RALGPS1: variants seen among roughly 807,000 people sequenced by gnomAD.
The protein encoded by RALGPS1 is Ral GEF with PH domain and SH3 binding motif 1.
A neutral mutation model predicts 78.8 loss-of-function variants in RALGPS1; 19 were observed. The ratio of observed to expected loss-of-function variants is 0.24; its 90% CI spans 0.17 to 0.35. The LOEUF (loss-of-function observed/expected upper bound fraction) is 0.35, where lower values mean the gene tolerates loss of function less well. Among genes scored for constraint, RALGPS1 ranks in the 10% least tolerant of loss-of-function variants. RALGPS1 has a pLI of 1.00. For missense variants in RALGPS1, 454 were observed against 688.3 expected (o/e 0.66, Z 3.81); for synonymous variants, 228 against 256.3 (o/e 0.89, Z 1.06).
chr9:127,016,524 A>G (rs1026188648), intron 4 of RALGPS1: 5 of 152,156 alleles, frequency 3.3e-5, no homozygotes, highest in African/African-American at 1.2e-4. Context: ...AAAATATAAA[A>G]TTGCCAATGT....
chr9:127,068,580 G>A (rs1329264956), intron 7 of RALGPS1, among the ~76,000 whole-genome samples: 3 of 152,204 alleles, frequency 2.0e-5, no homozygotes, highest in Admixed American at 1.3e-4. Flanking sequence ...CAAGATTGAA[G>A]CTTTCCATCT....
chr9:127,126,872 G>T (rs528974149), intron 8 of RALGPS1, among the ~76,000 whole-genome samples: 21 of 152,144 alleles, frequency 1.4e-4, no homozygotes, highest in Non-Finnish European at 1.6e-4. Context: ...TCTTGATTAT[G>T]GGTCATATTG....
At chr9:127,045,728 A>AGT (rs2047689132) in intron 5 of RALGPS1, among the ~76,000 whole-genome samples, 1 of 138,180 alleles carries the variant, frequency 7.2e-6, no homozygotes, top group African/African-American at 2.7e-5. Flanking sequence ...GGCATGGGTT[A>AGT]GTACACACAC....
chr9:127,065,699 G>T (rs1305201955), intron 7 of RALGPS1, among the ~76,000 whole-genome samples: 1 of 151,946 alleles, frequency 6.6e-6, no homozygotes, highest in Admixed American at 6.6e-5. Flanking sequence ...TTTCTCTGGG[G>T]ACATCTCTTC....
intron 7 of RALGPS1, among the ~76,000 whole-genome samples, chr9:127,054,821 T>C (rs1223664689): frequency 6.6e-6 from 1 of 152,086 alleles, no homozygotes; most frequent in Non-Finnish European, 1.5e-5. Flanking sequence ...TCTGCAAATA[T>C]TCACAAAATT....
intron 17 of RALGPS1, chr9:127,214,001 C>T (rs963850873): frequency 2.0e-5 from 3 of 152,220 alleles, no homozygotes; most frequent in African/African-American, 7.2e-5. Flanking sequence ...AAGTTCTCTG[C>T]TCCGTGTCTG....
Position 127,031,946 on chromosome 9 carries a change from A to C in RALGPS1, c.217-2485A>C, listed in dbSNP as rs2046464328. The stretch of plus-strand genomic sequence containing the variant: ...TTGCCTGCATGATATCAGCAAAATG[A>C]AAGAGAAATAATAATAGATTTTGTT... On this transcript the variant is annotated intron_variant, in intron 4 of 18. Coordinates refer to ENST00000259351, the MANE Select transcript of RALGPS1 (RefSeq NM_014636.3). 4.6e-5 allele frequency among the ~76,000 whole-genome samples: 7 copies of C among 152,356 alleles called. No homozygotes were observed. In the South Asian group the frequency reaches 1.4e-3, roughly 32 times the overall value.
intron 8 of RALGPS1, among the ~76,000 whole-genome samples, chr9:127,084,834 A>C (rs2051539386): frequency 6.6e-6 from 1 of 152,234 alleles, no homozygotes; most frequent in Admixed American, 6.5e-5. Context: ...AGTCTCAGAT[A>C]AAAGTGAGGC....
intron 4 of RALGPS1, among the ~76,000 whole-genome samples, chr9:126,995,451 T>A (rs2042653355): frequency 6.6e-6 from 1 of 151,980 alleles, no homozygotes; most frequent in African/African-American, 2.4e-5. Context: ...TACATAATGG[T>A]AAAGGGATCA....
chr9:127,198,343 T>C (rs1393238440), intron 13 of RALGPS1, among the ~76,000 whole-genome samples: 4 of 152,104 alleles, frequency 2.6e-5, no homozygotes, highest in African/African-American at 9.7e-5. Flanking sequence ...CCTCAGAGCC[T>C]CTGAGGTCTG....
At chr9:127,103,220 C>A (rs767872282) in intron 8 of RALGPS1, among the ~76,000 whole-genome samples, 5 of 152,222 alleles carry the variant, frequency 3.3e-5, no homozygotes, top group Admixed American at 6.5e-5. Context: ...GTATTTCCTA[C>A]CTTATAGGGT....
At chr9:126,983,979 T>C (rs1352075187) in intron 4 of RALGPS1, among the ~76,000 whole-genome samples, 1 of 152,202 alleles carries the variant, frequency 6.6e-6, no homozygotes, top group Non-Finnish European at 1.5e-5. Flanking sequence ...GTTCAGGTGG[T>C]GACTGTTTTA....
At chr9:127,188,946 G>T (rs189344796) in intron 11 of RALGPS1, among the ~76,000 whole-genome samples, 2 of 138,238 alleles carry the variant, frequency 1.4e-5, no homozygotes, top group African/African-American at 5.3e-5. Context: ...GTTGCAGTGA[G>T]CCAAGATGGC....
intron 8 of RALGPS1, among the ~76,000 whole-genome samples, chr9:127,161,346 G>A (rs763504663): frequency 6.6e-6 from 1 of 152,208 alleles, no homozygotes; most frequent in Non-Finnish European, 1.5e-5. Context: ...TGGGAGACTC[G>A]TGTAAACCAC....
At chr9:126,956,833 A>G (rs1379712234) in intron 1 of RALGPS1, among the ~76,000 whole-genome samples, 2 of 152,262 alleles carry the variant, frequency 1.3e-5, no homozygotes, top group African/African-American at 2.4e-5. Context: ...ACCGATAGTA[A>G]CTGATAATCT....
At chr9:127,108,327 C>T (rs778627898) in intron 8 of RALGPS1, 1 of 1,613,524 alleles carries the variant, frequency 6.2e-7, no homozygotes, top group Non-Finnish European at 8.5e-7. Context: ...TGTAGAGCTG[C>T]GTGACCCGCG....
intron 8 of RALGPS1, among the ~76,000 whole-genome samples, chr9:127,129,042 A>G (rs929491291): frequency 6.6e-6 from 1 of 152,212 alleles, no homozygotes; most frequent in African/African-American, 2.4e-5. Flanking sequence ...CTAACAGCCA[A>G]CAAATATTCG....
At chr9:127,202,706 A>C (rs2061700301) in intron 14 of RALGPS1, among the ~76,000 whole-genome samples, 1 of 152,126 alleles carries the variant, frequency 6.6e-6, no homozygotes, top group Non-Finnish European at 1.5e-5. Context: ...GCCCAGAATG[A>C]GGACAGGGTG....
rs1490138949 is a variant in RALGPS1, at chr9:127,205,356, C to T, written c.1247+6290C>T. The stretch of plus-strand genomic sequence containing the variant: ...TTTGCCAGCTTCTGATTTGGGTTTC[C>T]CTCCGATATGTGATCTCTTGCCTTA... On this transcript the variant is annotated intron_variant, in intron 14 of 18. Transcript: ENST00000259351. This position sits in a 1 kb window ranked among gnomAD's most constrained non-coding sequence, Gnocchi z 4.0. 1.3e-5 allele frequency among the ~76,000 whole-genome samples: 2 copies of T among 152,196 alleles called. No individual in the cohort carries two copies. The highest frequency in any genetic ancestry group is 1.9e-4 in the East Asian group (1 of 5,200).
Sources: gnomAD v4.1 joint callset for allele counts (sites outside exome capture counted in the v4.1 genomes callset) on GRCh38, gnomAD v4.1.1 for gene constraint, Gnocchi (gnomAD v3.1) non-coding constraint, MANE v1.5 for transcripts, NCBI Gene and HGNC (gene_info 2026-07-23, HGNC 2026-07-21) for gene names.